The following SP3 variants were observed in gnomAD, a reference collection of about 807,000 sequenced individuals.
SP3 encodes the protein transcription factor Sp3.
SP3 carries 10 observed loss-of-function variants against 70.3 expected under a neutral mutation model. The ratio of observed to expected loss-of-function variants is 0.14; its 90% CI spans 0.09 to 0.24. The LOEUF (loss-of-function observed/expected upper bound fraction) is 0.24, where lower values mean the gene tolerates loss of function less well. SP3 is among the 10% of genes least tolerant of loss of function. The pLI, the probability that SP3 is intolerant of heterozygous loss-of-function variation, is 1.00. For synonymous variants in SP3, 402 were observed against 333.5 expected (o/e 1.21, Z -2.24); for missense variants, 825 against 914.6 (o/e 0.90, Z 1.26).
At chr2:173,939,154 T>G (rs751593605) in intron 4 of SP3, among the ~76,000 whole-genome samples, 27 of 152,150 alleles carry the variant, frequency 1.8e-4, no homozygotes, top group Non-Finnish European at 3.7e-4. Context: ...TCTTTGTAAT[T>G]CCAGTATCTG....
rs1240744222 is a variant in SP3 at position 173,900,987 on chromosome 2, GT to G, written c.*8953del. ...CAGAAAGAGCAAGGGGTCAAGAACA[GT>G]CAAAACCATTTTGAAATACAGAGAA... On this transcript the variant is annotated 3_prime_UTR_variant, in exon 7 of 7. Coordinates refer to ENST00000310015, the MANE Select transcript of SP3 (RefSeq NM_003111.5). Among the ~76,000 whole-genome samples the G allele has an allele frequency of 6.6e-6, 1 of 152,178 alleles. No individual in the cohort carries two copies. Among genetic ancestry groups the G allele is most frequent in the Non-Finnish European group, 1.5e-5 (1 of 68,022 alleles).
Position 173,902,231 on chromosome 2 carries a change from A to C in SP3, c.*7710T>G, listed in dbSNP as rs1689202357. On this transcript the variant is annotated 3_prime_UTR_variant, in exon 7 of 7. Transcript: ENST00000310015. ...CAGGTCCCTTTTAAATTTCTTACTT[A>C]TACTTGCTTTTCTTCCAGATGAATC... Among the ~76,000 whole-genome samples, 1 of 152,210 alleles carries C rather than the reference A, an allele frequency of 6.6e-6. No individual in the cohort carries two copies. Among genetic ancestry groups the C allele is most frequent in the South Asian group, 2.1e-4 (1 of 4,834 alleles).
intron 4 of SP3, among the ~76,000 whole-genome samples, chr2:173,952,850 C>G (rs764070100): frequency 2.6e-5 from 4 of 152,294 alleles, no homozygotes; most frequent in Non-Finnish European, 4.4e-5. Flanking sequence ...ACTGGCAAAT[C>G]TGAAGGGACA....
rs534559261 is a variant in SP3 at position 173,907,311 on chromosome 2, C to T, written c.*2630G>A. 95 of 152,020 alleles carry T rather than the reference C, an allele frequency of 6.2e-4. No individual in the cohort carries two copies. Among genetic ancestry groups the T allele is most frequent in the Non-Finnish European group, 1.2e-3 (81 of 67,956 alleles). 9.4% of individuals were successfully genotyped at this position (152,020 alleles called of 1,614,324 possible). On this transcript the variant is annotated 3_prime_UTR_variant, in exon 7 of 7. Coordinates refer to ENST00000310015, the MANE Select transcript of SP3 (RefSeq NM_003111.5). ...GAGTATACCTACCCTGAGAATTATACACAATACTAATAGGTTTTATAACCA... is the reference window on the plus strand; with the variant it reads ...GAGTATACCTACCCTGAGAATTATATACAATACTAATAGGTTTTATAACCA...
chr2:173,912,727 G>C (rs965729274), intron 6 of SP3, among the ~76,000 whole-genome samples: 1 of 145,328 alleles, frequency 6.9e-6, no homozygotes, highest in South Asian at 2.1e-4. Context: ...ACAGTGTTAA[G>C]AGGAAAGAAA....
chr2:173,953,711 T>C (rs1011765338), intron 4 of SP3, among the ~76,000 whole-genome samples: 1 of 151,160 alleles, frequency 6.6e-6, no homozygotes, highest in Non-Finnish European at 1.5e-5. Context: ...GAGGTTGCAG[T>C]GAACCAAGAT....
rs1182524662 is a variant in SP3 at position 173,904,096 on chromosome 2, G to A, written c.*5845C>T. Among the ~76,000 whole-genome samples the A allele has an allele frequency of 6.6e-6, 1 of 152,052 alleles. No homozygotes were observed. Among genetic ancestry groups the A allele is most frequent in the Non-Finnish European group, 1.5e-5 (1 of 68,004 alleles). Reference sequence around the variant, plus strand: ...CACTACCTAGATCCCTCGCATGCGGGGTTCACAACGGGGTTCGCACTCCTA... The same window carrying A: ...CACTACCTAGATCCCTCGCATGCGGAGTTCACAACGGGGTTCGCACTCCTA... On this transcript the variant is annotated 3_prime_UTR_variant, in exon 7 of 7. Coordinates refer to ENST00000310015, the MANE Select transcript of SP3 (RefSeq NM_003111.5).
rs189690251 is a variant in SP3, at chr2:173,908,473, C to A, written c.*1468G>T. On this transcript the variant is annotated 3_prime_UTR_variant, in exon 7 of 7. Coordinates refer to ENST00000310015, the MANE Select transcript of SP3 (RefSeq NM_003111.5). ...AAAGCCAAGTTGAAGAAAAATAAACCACCAATTCTTACCCCATACCACTGC... is the reference window on the plus strand; with the variant it reads ...AAAGCCAAGTTGAAGAAAAATAAACAACCAATTCTTACCCCATACCACTGC... 364 of 152,312 alleles carry A rather than the reference C, an allele frequency of 2.4e-3. No homozygotes were observed. The highest frequency in any genetic ancestry group is 4.0e-3 in the Non-Finnish European group (269 of 67,850). The allele number at this position is 152,312 out of a possible 1,614,324, so 9.4% of individuals were successfully genotyped here.
rs1465360231 is a variant in SP3 at position 173,906,398 on chromosome 2, CAATT to C, written c.*3539_*3542del. The C allele has an allele frequency of 2.6e-5, 4 of 152,106 alleles. No individual in the cohort carries two copies. Among genetic ancestry groups the C allele is most frequent in the East Asian group, 1.9e-4 (1 of 5,184 alleles). The allele number at this position is 152,106 out of a possible 1,614,324, so 9.4% of individuals were successfully genotyped here. A position where few individuals can be genotyped will look rare whatever the true frequency, so the allele number is the denominator to read the frequency against. ...AATATCAAATTTGTACCAAAGATAT[CAATT>C]AATTTGTTTTGTGCTTATTGTCAGA... On this transcript the variant is annotated 3_prime_UTR_variant, in exon 7 of 7. Transcript: ENST00000310015.
intron 4 of SP3, among the ~76,000 whole-genome samples, chr2:173,949,751 GAAT>G (rs1443105177): frequency 6.6e-6 from 1 of 152,114 alleles, no homozygotes; most frequent in African/African-American, 2.4e-5. Context: ...AGTTTTTCAT[GAAT>G]AATGGGGAAT....
chr2:173,928,331 C>G (rs1689976223), intron 4 of SP3, among the ~76,000 whole-genome samples: 1 of 152,060 alleles, frequency 6.6e-6, no homozygotes, highest in Non-Finnish European at 1.5e-5. Context: ...CAGAGCAGCC[C>G]CATTAATATT....
rs10497425 is a variant in SP3, at chr2:173,944,997, T to C, written c.1639+9876A>G. Among the ~76,000 whole-genome samples, 1,002 of 152,302 alleles carry C rather than the reference T, an allele frequency of 6.6e-3. 17 individuals carry two copies. The highest frequency in any genetic ancestry group is 0.037 in the East Asian group (193 of 5,178). ...AGCCATTTGTTCAAGATGCATTTAA[T>C]AAGTTGAATTAGTTGAGCTCTCTAA... On this transcript the variant is annotated intron_variant, in intron 4 of 6. Transcript: ENST00000310015.
intron 4 of SP3, among the ~76,000 whole-genome samples, chr2:173,951,582 C>T (rs1260074315): frequency 6.6e-6 from 1 of 152,212 alleles, no homozygotes; most frequent in Non-Finnish European, 1.5e-5. Context: ...CATTCAATCT[C>T]TTGCAATATG....
intron 4 of SP3, among the ~76,000 whole-genome samples, chr2:173,944,646 A>G (rs1690481274): frequency 6.6e-6 from 1 of 152,254 alleles, no homozygotes; most frequent in African/African-American, 2.4e-5. Context: ...ACTGAAAAAT[A>G]TATCAACACT....
intron 3 of SP3, among the ~76,000 whole-genome samples, chr2:173,960,439 CA>C (rs755927515): frequency 1.3e-5 from 2 of 152,080 alleles, no homozygotes; most frequent in Non-Finnish European, 2.9e-5. Flanking sequence ...AGAACTTAGG[CA>C]AATATTCAAG....
At position 173,964,552 on chromosome 2, in the gene SP3, A is replaced by G. The variant is rs1306918982; in HGVS notation, c.9T>C (p.Ala3=). 2 of 427,616 alleles carry G rather than the reference A, an allele frequency of 4.7e-6. No individual in the cohort carries two copies. The highest frequency in any genetic ancestry group is 9.3e-6 in the Non-Finnish European group (2 of 214,324). 26.5% of individuals were successfully genotyped at this position (427,616 alleles called of 1,614,324 possible). MT[A]PEKPVKQEEM... ...CCTCTTGTTTCACGGGCTTTTCGGG[A>G]GCTGCAGGCACAGCGCGGGGGGGTG... Residue 3 remains alanine (A), a splice_region_variant and synonymous_variant, in exon 2 of 7, where the codon GCT becomes GCC. Coordinates refer to ENST00000310015, the MANE Select transcript of SP3 (RefSeq NM_003111.5).
In SP3 at chr2:173,963,881, G is replaced by C. The variant is rs746173085; in HGVS notation, c.159C>G (p.Asp53Glu). 1 of 1,507,636 alleles carries C rather than the reference G, an allele frequency of 6.6e-7. No individual in the cohort carries two copies. Among genetic ancestry groups the C allele is most frequent in the South Asian group, 1.2e-5 (1 of 80,780 alleles). The allele number at this position is 1,507,636 out of a possible 1,614,324, so 93.4% of individuals were successfully genotyped here. A position where few individuals can be genotyped will look rare whatever the true frequency, so the allele number is the denominator to read the frequency against. ...GAVAAAAAAQDTQPSPLALLA... is the reference protein window; with the variant it reads ...GAVAAAAAAQETQPSPLALLA... ...GCAGAGCGAGCGGTGACGGCTGAGTGTCCTACCCCCAATGGGCGGGTTCAG... is the reference window on the plus strand; with the variant it reads ...GCAGAGCGAGCGGTGACGGCTGAGTCTCCTACCCCCAATGGGCGGGTTCAG... The change falls in exon 3 of 7, where the codon GAC becomes GAG. Residue 53 changes from aspartate to glutamate, a missense_variant and splice_region_variant. Physicochemically the swap from Asp to Glu is conservative, Grantham distance 45. This residue lies in a region of SP3 where 678 missense variants were observed against 651.6 expected (regional missense o/e 1.04). Coordinates refer to ENST00000310015, the MANE Select transcript of SP3 (RefSeq NM_003111.5).
intron 6 of SP3, among the ~76,000 whole-genome samples, chr2:173,911,421 G>GT (rs1231747060): frequency 1.3e-5 from 2 of 152,112 alleles, no homozygotes; most frequent in Non-Finnish European, 2.9e-5. Flanking sequence ...TTCTACTAAA[G>GT]TATTTCCCAG....
At chr2:173,917,579 T>C (rs1456677436) in intron 5 of SP3, among the ~76,000 whole-genome samples, 2 of 152,126 alleles carry the variant, frequency 1.3e-5, no homozygotes, top group African/African-American at 2.4e-5. Flanking sequence ...CAAAGGCAGA[T>C]AGAAAAGCTC....
Sources: allele counts gnomAD v4.1 joint callset (sites outside exome capture counted in the v4.1 genomes callset), GRCh38; gene constraint gnomAD v4.1.1; regional missense constraint gnomAD v4.1.1; transcripts MANE v1.5; gene names NCBI Gene and HGNC (gene_info 2026-07-23, HGNC 2026-07-21).